The following DYRK1A variants were observed in gnomAD, a reference collection of about 807,000 sequenced individuals.
DYRK1A encodes the protein dual specificity tyrosine phosphorylation regulated kinase 1A, also known as dual specificity tyrosine-phosphorylation-regulated kinase 1A.
In DYRK1A, 9 loss-of-function variants were observed where a neutral mutation model predicts 79.7. The ratio of observed to expected loss-of-function variants is 0.11; its 90% CI spans 0.07 to 0.20. DYRK1A has a LOEUF of 0.20. Ranked by LOEUF, DYRK1A falls within the 10% of genes least tolerant of loss-of-function variation. The pLI is 1.00. For synonymous variants in DYRK1A, 349 were observed against 329.7 expected, an observed-to-expected ratio of 1.06 and a Z score of -0.63; for missense variants, 622 against 956.0, an observed-to-expected ratio of 0.65 and a Z score of 4.61.
At chr21:37,470,134 ACT>A (rs574622310) in intron 2 of DYRK1A, among the ~76,000 whole-genome samples, 68 of 152,172 alleles carry the variant, frequency 4.5e-4, no homozygotes, top group African/African-American at 1.5e-3. Context: ...ACAGAGCGAG[ACT>A]CTGTCTCAAA....
intron 2 of DYRK1A, among the ~76,000 whole-genome samples, chr21:37,444,032 C>T (rs1225182170): frequency 6.6e-6 from 1 of 152,264 alleles, no homozygotes; most frequent in Non-Finnish European, 1.5e-5. Flanking sequence ...CTTCTGTGCT[C>T]TTAGGGTGTT....
intron 1 of DYRK1A, among the ~76,000 whole-genome samples, chr21:37,375,894 C>T (rs774973136): frequency 3.9e-4 from 59 of 152,060 alleles, no homozygotes; most frequent in Non-Finnish European, 7.1e-4. Flanking sequence ...AAACCCATAG[C>T]CCTAAATTGG....
chr21:37,489,073 T>C (rs570793519), intron 6 of DYRK1A, among the ~76,000 whole-genome samples: 1 of 152,290 alleles, frequency 6.6e-6, no homozygotes, highest in East Asian at 1.9e-4. Context: ...CTAAAAGCAA[T>C]ATTGATGTTC....
chr21:37,498,216 T>TA lies in DYRK1A; in HGVS notation c.1212+1961dup, dbSNP rs557628719. ...TGGAGGTGCAGAATGAAGAAGACAATAAATGATGCTTTTTTTGAAGTACAG... is the reference window on the plus strand; with the variant it reads ...TGGAGGTGCAGAATGAAGAAGACAATAAAATGATGCTTTTTTTGAAGTACAG... On this transcript the variant is annotated intron_variant, in intron 9 of 11. Coordinates refer to ENST00000647188, the MANE Select transcript of DYRK1A (RefSeq NM_001347721.2). 3.5e-3 allele frequency among the ~76,000 whole-genome samples: 526 copies of TA among 152,260 alleles called. 3 individuals are homozygous for TA. In the Middle Eastern group the frequency reaches 0.041, roughly 12 times the overall value.
intron 9 of DYRK1A, among the ~76,000 whole-genome samples, chr21:37,497,628 T>C (rs2148630834): frequency 6.6e-6 from 1 of 152,330 alleles, no homozygotes; most frequent in South Asian, 2.1e-4. Context: ...CCATTTCAGA[T>C]TGATTTATTT....
intron 1 of DYRK1A, among the ~76,000 whole-genome samples, chr21:37,398,845 G>A (rs1382330424): frequency 6.6e-6 from 1 of 152,096 alleles, no homozygotes; most frequent in Non-Finnish European, 1.5e-5. Context: ...TCAGAGGAAC[G>A]GAGAGGCCAC....
At chr21:37,391,751 T>A (rs1025170110) in intron 1 of DYRK1A, among the ~76,000 whole-genome samples, 9 of 152,218 alleles carry the variant, frequency 5.9e-5, no homozygotes, top group African/African-American at 2.2e-4. Context: ...CGTTTTCTTT[T>A]CTGCAGTTCT....
At position 37,512,582 on chromosome 21, in the gene DYRK1A, T is replaced by G; in HGVS notation, c.*51T>G. On this transcript the variant is annotated 3_prime_UTR_variant, in exon 12 of 12. Coordinates refer to ENST00000647188, the MANE Select transcript of DYRK1A (RefSeq NM_001347721.2). ...TTGTGTGTTTTTATAGAAGTGGTGT[T>G]TTTTTTCCAAAAACAAAGTGCAAAG... 1 of 1,577,506 alleles carries G rather than the reference T, an allele frequency of 6.3e-7. No individual in the cohort carries two copies. The highest frequency in any genetic ancestry group is 8.6e-7 in the Non-Finnish European group (1 of 1,160,438).
At chr21:37,421,910 A>C (rs1401548922) in intron 2 of DYRK1A, 1 of 152,124 alleles carries the variant, frequency 6.6e-6, no homozygotes, top group African/African-American at 2.4e-5. Flanking sequence ...TCATAGATTT[A>C]TCTATGAATA....
chr21:37,490,617 C>G (rs1007538466), intron 7 of DYRK1A, among the ~76,000 whole-genome samples, 156 bp downstream of exon 7: 1 of 148,790 alleles, frequency 6.7e-6, no homozygotes, highest in Non-Finnish European at 1.5e-5. Context: ...TTGCGCCAAC[C>G]TAATAGATAT....
At chr21:37,418,676 T>A (rs1455008601) in intron 1 of DYRK1A, among the ~76,000 whole-genome samples, 2 of 152,350 alleles carry the variant, frequency 1.3e-5, no homozygotes, top group East Asian at 3.9e-4. Flanking sequence ...GAAAATGATG[T>A]CCTTTGAGTA....
At chr21:37,488,638 G>A in intron 6 of DYRK1A, 2 of 985,350 alleles carry the variant, frequency 2.0e-6, no homozygotes, top group South Asian at 9.4e-5. Context: ...CTTTGACAAT[G>A]TCTTTAGTGC....
chr21:37,462,908 C>G (rs1361071231), intron 2 of DYRK1A, among the ~76,000 whole-genome samples: 2 of 152,080 alleles, frequency 1.3e-5, no homozygotes, highest in Non-Finnish European at 2.9e-5. Context: ...TTGACTAGTT[C>G]TTTAGTTGTT....
chr21:37,397,643 A>C (rs2835712), intron 1 of DYRK1A, among the ~76,000 whole-genome samples: 85,402 of 151,896 alleles, frequency 0.56, 24,728 homozygotes, highest in African/African-American at 0.71. Context: ...CAAATTCTTA[A>C]TCTAAATACC....
chr21:37,378,185 T>C (rs1323265708), intron 1 of DYRK1A, among the ~76,000 whole-genome samples: 1 of 152,252 alleles, frequency 6.6e-6, no homozygotes, highest in Non-Finnish European at 1.5e-5. Flanking sequence ...TATAAGATTT[T>C]TATTTTAAAT....
chr21:37,479,828 C>T (rs541462255), intron 4 of DYRK1A, among the ~76,000 whole-genome samples: 54 of 151,710 alleles, frequency 3.6e-4, no homozygotes, highest in African/African-American at 1.2e-3. Flanking sequence ...GGGGTTTCAC[C>T]GTGTTAGCCA....
intron 1 of DYRK1A, among the ~76,000 whole-genome samples, chr21:37,411,115 T>C (rs1002454748): frequency 3.4e-5 from 5 of 146,966 alleles, no homozygotes; most frequent in African/African-American, 1.3e-4. Context: ...CCCAGCATTT[T>C]GGGAGGCCGA....
intron 9 of DYRK1A, among the ~76,000 whole-genome samples, chr21:37,499,310 GGGTT>G (rs2053368499): frequency 6.6e-6 from 1 of 152,134 alleles, no homozygotes; most frequent in South Asian, 2.1e-4. Context: ...CAGGGTGAAG[GGGTT>G]GAAGTTCATT....
chr21:37,404,308 C>T (rs1481457624), intron 1 of DYRK1A, among the ~76,000 whole-genome samples: 1 of 152,196 alleles, frequency 6.6e-6, no homozygotes, highest in African/African-American at 2.4e-5. Flanking sequence ...ATAAAGTTAA[C>T]TATCACAAGG....
Sources: allele counts gnomAD v4.1 joint callset (sites outside exome capture counted in the v4.1 genomes callset), GRCh38; gene constraint gnomAD v4.1.1; transcripts MANE v1.5; gene names NCBI Gene and HGNC (gene_info 2026-07-23, HGNC 2026-07-21).